The following GPR158 variants were observed in gnomAD, a reference collection of about 807,000 sequenced individuals.
The protein encoded by GPR158 is metabotropic glycine receptor.
A neutral mutation model predicts 78.2 loss-of-function variants in GPR158; 30 were observed. That is an observed-to-expected ratio of 0.38 (90% confidence interval 0.29 to 0.52). GPR158 has a LOEUF of 0.52. GPR158 is among the 20% of genes least tolerant of loss of function. The pLI, the probability that GPR158 is intolerant of heterozygous loss-of-function variation, is 0.83. For synonymous variants in GPR158, 581 were observed against 591.1 expected, an observed-to-expected ratio of 0.98 and a Z score of 0.25; for missense variants, 1,463 against 1,523.5, an observed-to-expected ratio of 0.96 and a Z score of 0.66.
At chr10:25,383,197 AT>A (rs1162569746) in intron 2 of GPR158, among the ~76,000 whole-genome samples, 1 of 152,248 alleles carries the variant, frequency 6.6e-6, no homozygotes, top group Non-Finnish European at 1.5e-5. Flanking sequence ...GAGTAAAAAA[AT>A]ATTAAAAGCT....
At chr10:25,182,214 C>G (rs1222715796) in intron 1 of GPR158, among the ~76,000 whole-genome samples, 1 of 152,090 alleles carries the variant, frequency 6.6e-6, no homozygotes, top group Non-Finnish European at 1.5e-5. Flanking sequence ...AATGAGAACT[C>G]CATTTCAAAA....
intron 2 of GPR158, among the ~76,000 whole-genome samples, chr10:25,272,879 G>A (rs1854135778): frequency 6.6e-6 from 1 of 152,126 alleles, no homozygotes; most frequent in Non-Finnish European, 1.5e-5. Flanking sequence ...ATTTTATTCA[G>A]AACTCCTTTG....
intron 1 of GPR158, among the ~76,000 whole-genome samples, chr10:25,212,148 T>C (rs1324253935): frequency 6.6e-6 from 1 of 152,184 alleles, no homozygotes; most frequent in African/African-American, 2.4e-5. Context: ...CAGTCTATTT[T>C]GCACTGCTAT....
At chr10:25,468,291 C>T (rs1178071627) in intron 5 of GPR158, among the ~76,000 whole-genome samples, 1 of 152,162 alleles carries the variant, frequency 6.6e-6, no homozygotes, top group African/African-American at 2.4e-5. Context: ...GGGCTCCCCA[C>T]TCCTGCTCAT....
intron 2 of GPR158, among the ~76,000 whole-genome samples, chr10:25,335,916 T>C (rs1267356306): frequency 6.6e-6 from 1 of 152,032 alleles, no homozygotes; most frequent in Non-Finnish European, 1.5e-5. Context: ...GTCATTCTGT[T>C]CCATTATTGG....
chr10:25,592,165 TA>T (rs922798224), intron 8 of GPR158, among the ~76,000 whole-genome samples: 51 of 152,046 alleles, frequency 3.4e-4, no homozygotes, highest in Middle Eastern at 3.4e-3. Context: ...CTTATATGCT[TA>T]AAAAAATTAT....
At chr10:25,432,411 T>C (rs1292340296) in intron 4 of GPR158, among the ~76,000 whole-genome samples, 2 of 152,178 alleles carry the variant, frequency 1.3e-5, no homozygotes, top group African/African-American at 2.4e-5. Flanking sequence ...TAAAAGTGCA[T>C]GGTCGTTTCA....
At chr10:25,258,605 G>A (rs964890506) in intron 2 of GPR158, among the ~76,000 whole-genome samples, 13 of 151,876 alleles carry the variant, frequency 8.6e-5, no homozygotes, top group African/African-American at 3.1e-4. Context: ...ATTGATTTTT[G>A]TTATGGTAGG....
At chr10:25,519,561 C>A (rs1005713924) in intron 5 of GPR158, among the ~76,000 whole-genome samples, 31 of 142,032 alleles carry the variant, frequency 2.2e-4, no homozygotes, top group Admixed American at 5.4e-4. Flanking sequence ...TCTTTTAGGG[C>A]AGGCCTGGTG....
chr10:25,500,154 G>T (rs904792254), intron 5 of GPR158, among the ~76,000 whole-genome samples: 6 of 152,148 alleles, frequency 3.9e-5, no homozygotes, highest in African/African-American at 9.7e-5. Context: ...GAACTTTGAT[G>T]GTAACAGAGG....
At chr10:25,189,654 G>A (rs1852742631) in intron 1 of GPR158, among the ~76,000 whole-genome samples, 3 of 151,778 alleles carry the variant, frequency 2.0e-5, no homozygotes, top group Admixed American at 1.3e-4. Context: ...GGGGAGGAGG[G>A]AGGGATAGCA....
At position 25,241,186 on chromosome 10, in the gene GPR158, T is replaced by C. The variant is rs11014457; in HGVS notation, c.1008+20029T>C. Among the ~76,000 whole-genome samples the C allele has an allele frequency of 8.6e-5, 9 of 104,780 alleles. No individual in the cohort carries two copies. The East Asian group carries it at 1.3e-3, about 15-fold the overall frequency. 68.7% of individuals were successfully genotyped at this position (104,780 alleles called of 152,430 possible). ...CTTTCTTTCTTTCTTTCTTTCTTTC[T>C]TTCCTTTCTTTCTTTCCTTTCTTTC... On this transcript the variant is annotated intron_variant, in intron 2 of 10. Transcript: ENST00000376351.
chr10:25,285,348 G>T (rs1395437772), intron 2 of GPR158, among the ~76,000 whole-genome samples: 1 of 152,204 alleles, frequency 6.6e-6, no homozygotes, highest in South Asian at 2.1e-4. Context: ...AGGAGATTTA[G>T]TGGGGGGATT....
chr10:25,584,206 T>G (rs910184275), intron 7 of GPR158, among the ~76,000 whole-genome samples: 1 of 152,096 alleles, frequency 6.6e-6, no homozygotes, highest in African/African-American at 2.4e-5. Context: ...GAAATTATTT[T>G]CTAAAGAAGA....
intron 2 of GPR158, among the ~76,000 whole-genome samples, chr10:25,290,771 ATTTG>A (rs952058090): frequency 2.0e-5 from 3 of 152,044 alleles, no homozygotes; most frequent in African/African-American, 4.8e-5. Flanking sequence ...AAGTAGAATA[ATTTG>A]TTTATTTCAG....
intron 5 of GPR158, among the ~76,000 whole-genome samples, chr10:25,517,654 G>C (rs1836199579): frequency 6.6e-6 from 1 of 151,990 alleles, no homozygotes; most frequent in Non-Finnish European, 1.5e-5. Flanking sequence ...CTTTAGTTCT[G>C]TTTATATGCT....
At chr10:25,576,102 C>T (rs929332429) in intron 7 of GPR158, among the ~76,000 whole-genome samples, 1 of 152,012 alleles carries the variant, frequency 6.6e-6, no homozygotes, top group Non-Finnish European at 1.5e-5. Context: ...GTTTTGGTCA[C>T]GTGGATGAAT....
chr10:25,249,822 C>G (rs888531557), intron 2 of GPR158, among the ~76,000 whole-genome samples: 2 of 151,152 alleles, frequency 1.3e-5, no homozygotes, highest in African/African-American at 4.9e-5. Flanking sequence ...TGATGCTGGC[C>G]TCATAAAATG....
rs568809306 is a variant in GPR158 at position 25,360,465 on chromosome 10, A to G, written c.1009-35446A>G. Reference sequence around the variant, plus strand: ...AAGGTGTCCAGTTTCAGTTTTCTGCATATGGCTAGCCAGTTTTCCCAACAC... The same window carrying G: ...AAGGTGTCCAGTTTCAGTTTTCTGCGTATGGCTAGCCAGTTTTCCCAACAC... On this transcript the variant is annotated intron_variant, in intron 2 of 10. Coordinates refer to ENST00000376351, the MANE Select transcript of GPR158 (RefSeq NM_020752.3). 2.7e-4 allele frequency among the ~76,000 whole-genome samples: 41 copies of G among 152,298 alleles called. 1 individual carries two copies. In the South Asian group the frequency reaches 7.9e-3, roughly 29 times the overall value.
Sources: gnomAD v4.1 joint callset for allele counts (sites outside exome capture counted in the v4.1 genomes callset) on GRCh38, gnomAD v4.1.1 for gene constraint, MANE v1.5 for transcripts, NCBI Gene and HGNC (gene_info 2026-07-23, HGNC 2026-07-21) for gene names.